The following NEBL variants were observed in gnomAD, a reference collection of about 807,000 sequenced individuals.
The protein encoded by NEBL is LIM and SH3 protein 2.
NEBL carries 122 observed loss-of-function variants against 140.2 expected under a neutral mutation model. That is an observed-to-expected ratio of 0.87 (90% CI 0.75 to 1.01). The LOEUF is 1.01. Among genes scored for constraint, NEBL ranks in the 50% least tolerant of loss-of-function variants. NEBL has a pLI of 0.00. For missense variants in NEBL, 1,365 were observed against 1,231.3 expected (o/e 1.11, Z -1.62); for synonymous variants, 436 against 398.9 (o/e 1.09, Z -1.11).
intron 3 of NEBL, among the ~76,000 whole-genome samples, chr10:21,008,129 G>A (rs1416611947): frequency 1.3e-5 from 2 of 151,914 alleles, no homozygotes; most frequent in Non-Finnish European, 2.9e-5. Flanking sequence ...TATTATATAC[G>A]TGTGTGTGTA....
chr10:21,022,646 G>A (rs763680613), intron 2 of NEBL, among the ~76,000 whole-genome samples: 106 of 152,172 alleles, frequency 7.0e-4, no homozygotes, highest in Non-Finnish European at 1.4e-3. Context: ...GAGTATAAAC[G>A]AATCTAGTTA....
At chr10:21,162,966 C>T (rs923399052) in intron 2 of NEBL, among the ~76,000 whole-genome samples, 3 of 152,168 alleles carry the variant, frequency 2.0e-5, no homozygotes, top group African/African-American at 7.2e-5. Context: ...TAATTCCTTA[C>T]CATGTGCCTG....
Position 20,868,652 on chromosome 10 carries a change from C to T in NEBL, c.684+12G>A. The T allele has an allele frequency of 6.4e-7, 1 of 1,558,988 alleles. No individual in the cohort carries two copies. On this transcript the variant is annotated intron_variant, in intron 7 of 27. Transcript: ENST00000377122. ...GAATAAAGTCATTGTGGAATCATCA[C>T]TAAAGCCTTACTTGACTAGAAAGTT... is the stretch of plus-strand genomic sequence containing the variant.
chr10:21,278,365 GC>G (rs1249806648), intron 1 of NEBL, among the ~76,000 whole-genome samples: 1 of 152,204 alleles, frequency 6.6e-6, no homozygotes, highest in Non-Finnish European at 1.5e-5. Flanking sequence ...GATCACTTGA[GC>G]CCAGGACGTC....
chr10:20,879,403 C>T (rs897365190), intron 5 of NEBL, among the ~76,000 whole-genome samples: 1 of 152,176 alleles, frequency 6.6e-6, no homozygotes, highest in Non-Finnish European at 1.5e-5. Flanking sequence ...AAGCACCCCC[C>T]TAAAATAATT....
chr10:20,792,158 G>GA (rs1836062781), intron 26 of NEBL, among the ~76,000 whole-genome samples: 1 of 148,612 alleles, frequency 6.7e-6, no homozygotes, highest in South Asian at 2.1e-4. Flanking sequence ...AAAAGAAAAA[G>GA]AAAAAAATGG....
chr10:20,833,796 G>A (rs1223241994), intron 14 of NEBL, among the ~76,000 whole-genome samples: 1 of 152,080 alleles, frequency 6.6e-6, no homozygotes, highest in Non-Finnish European at 1.5e-5. Context: ...TACTAGGAAG[G>A]CAATAATAGC....
intron 3 of NEBL, among the ~76,000 whole-genome samples, chr10:21,222,819 A>G (rs1026017228): frequency 6.6e-6 from 1 of 152,088 alleles, no homozygotes; most frequent in African/African-American, 2.4e-5. Context: ...CTGGAATGCA[A>G]TGGTGCGATC....
At chr10:21,220,299 C>T (rs1842050743) in intron 3 of NEBL, among the ~76,000 whole-genome samples, 1 of 152,174 alleles carries the variant, frequency 6.6e-6, no homozygotes, top group South Asian at 2.1e-4. Context: ...TAAAAACAGA[C>T]ATATAGACCA....
At chr10:21,028,086 G>A (rs578228785) in intron 2 of NEBL, among the ~76,000 whole-genome samples, 22 of 151,682 alleles carry the variant, frequency 1.5e-4, no homozygotes, top group Non-Finnish European at 2.2e-4. Context: ...AATTAGCCAG[G>A]CATGATAGCA....
At chr10:21,095,906 A>G (rs1157039641) in intron 2 of NEBL, among the ~76,000 whole-genome samples, 1 of 152,164 alleles carries the variant, frequency 6.6e-6, no homozygotes, top group African/African-American at 2.4e-5. Flanking sequence ...AGCTCTACAA[A>G]TCCCCTAACT....
intron 2 of NEBL, among the ~76,000 whole-genome samples, chr10:21,042,063 T>A (rs1218182010): frequency 1.3e-5 from 2 of 152,214 alleles, no homozygotes; most frequent in Admixed American, 6.5e-5. Context: ...TGTGACTGTA[T>A]CTTGTGCCGA....
At chr10:20,870,645 C>T (rs1844829145) in intron 5 of NEBL, among the ~76,000 whole-genome samples, 1 of 152,138 alleles carries the variant, frequency 6.6e-6, no homozygotes, top group Non-Finnish European at 1.5e-5. Context: ...ACACTTCTCT[C>T]CCTTCAAATG....
chr10:20,943,047 T>A lies in NEBL; in HGVS notation c.357+18625A>T, dbSNP rs1423573329. Among the ~76,000 whole-genome samples the A allele has an allele frequency of 3.3e-5, 5 of 152,294 alleles. No individual in the cohort carries two copies. The East Asian group carries it at 9.7e-4, about 29-fold the overall frequency. ...TCAGTGTGGTGATTCCTCAGGGATG[T>A]AGAACTAGAAATACCATTTGACCCA... is the stretch of plus-strand genomic sequence containing the variant. On this transcript the variant is annotated intron_variant, in intron 4 of 6. Coordinates refer to the NEBL transcript ENST00000417816.
At chr10:21,214,473 ATG>A (rs1841959098) in intron 3 of NEBL, among the ~76,000 whole-genome samples, 2 of 151,490 alleles carry the variant, frequency 1.3e-5, no homozygotes, top group Non-Finnish European at 2.9e-5. Flanking sequence ...TGGCACACAC[ATG>A]CACACACACG....
intron 5 of NEBL, among the ~76,000 whole-genome samples, chr10:20,872,099 C>T (rs1845002378): frequency 6.6e-6 from 1 of 152,248 alleles, no homozygotes; most frequent in Non-Finnish European, 1.5e-5. Context: ...AAAAGAACCA[C>T]AACCTTTCAG....
intron 1 of NEBL, among the ~76,000 whole-genome samples, chr10:21,254,169 G>T (rs2132274861): frequency 6.6e-6 from 1 of 152,222 alleles, no homozygotes. Flanking sequence ...ACAGGGTCTT[G>T]TTCTGTTGCC....
At chr10:21,292,506 T>G (rs1159956124) in intron 1 of NEBL, among the ~76,000 whole-genome samples, 1 of 152,204 alleles carries the variant, frequency 6.6e-6, no homozygotes, top group Admixed American at 6.5e-5. Context: ...TGAAATTGAC[T>G]GAGAAAGTAA....
intron 3 of NEBL, among the ~76,000 whole-genome samples, chr10:20,984,386 TTA>T (rs1837172061): frequency 6.6e-6 from 1 of 152,192 alleles, no homozygotes; most frequent in Non-Finnish European, 1.5e-5. Flanking sequence ...GGAATGTTGT[TTA>T]TGTTTTTCAT....
Sources: gnomAD v4.1 joint callset for allele counts (sites outside exome capture counted in the v4.1 genomes callset) on GRCh38, gnomAD v4.1.1 for gene constraint, MANE v1.5 for transcripts, NCBI Gene and HGNC (gene_info 2026-07-23, HGNC 2026-07-21) for gene names.